The following ARSB variants were observed in gnomAD, a reference collection of about 807,000 sequenced individuals.
The protein encoded by ARSB is N-acetylgalactosamine-4-sulfatase.
A neutral mutation model predicts 50.9 loss-of-function variants in ARSB; 41 were observed. That is an observed-to-expected ratio of 0.81 (90% CI 0.63 to 1.04). The LOEUF is 1.04. ARSB is among the 50% of genes least tolerant of loss of function. The pLI, the probability that ARSB is intolerant of heterozygous loss-of-function variation, is 0.00. For synonymous variants in ARSB, 269 were observed against 284.8 expected (o/e 0.94, Z 0.56); for missense variants, 672 against 693.3 (o/e 0.97, Z 0.35).
In ARSB at chr5:78,885,576, G is replaced by A; in HGVS notation, c.1142+8C>T. ...GTCCTGGGAGGAAAAAGGGCAGGGT[G>A]TAGGTACCTGATGGTTTTCCACACG... On this transcript the variant is annotated splice_region_variant and intron_variant, in intron 5 of 7. Coordinates refer to ENST00000264914, the MANE Select transcript of ARSB (RefSeq NM_000046.5). 3 of 1,613,000 alleles carry A rather than the reference G, an allele frequency of 1.9e-6. No homozygotes were observed. The highest frequency in any genetic ancestry group is 2.5e-6 in the Non-Finnish European group (3 of 1,179,996).
intron 6 of ARSB, among the ~76,000 whole-genome samples, chr5:78,833,714 G>C (rs1744796641): frequency 6.6e-6 from 1 of 152,206 alleles, no homozygotes; most frequent in South Asian, 2.1e-4. Flanking sequence ...GGGAAGTCAG[G>C]CCGAGCCAGG....
chr5:78,845,497 G>A (rs1745406072), intron 5 of ARSB, among the ~76,000 whole-genome samples: 1 of 152,110 alleles, frequency 6.6e-6, no homozygotes, highest in African/African-American at 2.4e-5. Context: ...TCTCACCAGT[G>A]GTGGATAAGA....
intron 3 of ARSB, 127 bp from the exon 4 acceptor site, chr5:78,955,629 T>C: frequency 1.3e-6 from 1 of 791,942 alleles, no homozygotes; most frequent in Non-Finnish European, 2.1e-6. Context: ...GCATTGAAAG[T>C]ATTTGTGAAT....
chr5:78,837,913 A>G (rs150426307), intron 6 of ARSB, among the ~76,000 whole-genome samples: 1 of 152,284 alleles, frequency 6.6e-6, no homozygotes, highest in Non-Finnish European at 1.5e-5. Flanking sequence ...CTCCAAAAGA[A>G]ATAGAAATTT....
chr5:78,780,540 G>A lies in ARSB; in HGVS notation c.1459C>T (p.Leu487=), dbSNP rs1292005124. Residue 487 remains leucine, a synonymous_variant, in exon 8 of 8, where the codon CTG becomes TTG. Coordinates refer to ENST00000264914, the MANE Select transcript of ARSB (RefSeq NM_000046.5). ...ACGATGTGAGGATATTCTCTGGACA[G>A]GTCATGTCTTTCTTCAGGGTCCCGA... ...IDRDPEERHD[L]SREYPHIVTK... 6.2e-7 allele frequency: 1 copy of A among 1,614,022 alleles called. No individual in the cohort carries two copies. The highest frequency in any genetic ancestry group is 2.2e-5 in the East Asian group (1 of 44,896).
At chr5:78,861,028 C>A (rs760823902) in intron 5 of ARSB, among the ~76,000 whole-genome samples, 1 of 152,124 alleles carries the variant, frequency 6.6e-6, no homozygotes, top group African/African-American at 2.4e-5. Flanking sequence ...TGGATAAATT[C>A]CTCGACACAC....
chr5:78,833,536 A>G (rs560565494), intron 6 of ARSB, among the ~76,000 whole-genome samples: 1 of 152,334 alleles, frequency 6.6e-6, no homozygotes, highest in South Asian at 2.1e-4. Context: ...ACTCTGACAC[A>G]GGTCATGAAG....
intron 6 of ARSB, among the ~76,000 whole-genome samples, chr5:78,822,600 T>A (rs550819351): frequency 1.8e-4 from 27 of 152,324 alleles, no homozygotes; most frequent in African/African-American, 6.0e-4. Flanking sequence ...CTGACCATTA[T>A]AACAATTTGG....
intron 5 of ARSB, among the ~76,000 whole-genome samples, chr5:78,881,759 T>C (rs1747756390): frequency 6.6e-6 from 1 of 152,238 alleles, no homozygotes; most frequent in Non-Finnish European, 1.5e-5. Context: ...AGTTTGGTAA[T>C]GTTTATCAAA....
intron 5 of ARSB, among the ~76,000 whole-genome samples, chr5:78,856,454 A>G (rs1746146281): frequency 6.6e-6 from 1 of 152,350 alleles, no homozygotes; most frequent in South Asian, 2.1e-4. Flanking sequence ...ATATCTTAAT[A>G]TATGCCATAT....
At chr5:78,883,836 TA>T (rs1747875927) in intron 5 of ARSB, 3 of 152,222 alleles carry the variant, frequency 2.0e-5, no homozygotes, top group Admixed American at 6.5e-5. Flanking sequence ...CTTGAATAGC[TA>T]TCAAACTTCC....
At chr5:78,943,186 G>C (rs1361186222) in intron 4 of ARSB, among the ~76,000 whole-genome samples, 2 of 152,156 alleles carry the variant, frequency 1.3e-5, no homozygotes, top group Non-Finnish European at 1.5e-5. Context: ...TTGCACGTGA[G>C]ATGCATCTCC....
intron 6 of ARSB, among the ~76,000 whole-genome samples, chr5:78,798,871 C>T (rs1490158040): frequency 6.6e-6 from 1 of 152,128 alleles, no homozygotes; most frequent in East Asian, 1.9e-4. Flanking sequence ...CCCTCCACAA[C>T]ATTGCTGTCC....
At chr5:78,922,413 A>G (rs898783043) in intron 4 of ARSB, among the ~76,000 whole-genome samples, 1 of 151,486 alleles carries the variant, frequency 6.6e-6, no homozygotes, top group Admixed American at 6.6e-5. Context: ...TCCAGGCCCT[A>G]CCTCCTGGAG....
chr5:78,941,659 T>G (rs889510148), intron 4 of ARSB, among the ~76,000 whole-genome samples: 1 of 152,202 alleles, frequency 6.6e-6, no homozygotes, highest in Non-Finnish European at 1.5e-5. Flanking sequence ...ATAAGCTTTT[T>G]GATGTGCTGC....
At chr5:78,794,165 T>C (rs1307901579) in intron 6 of ARSB, among the ~76,000 whole-genome samples, 1 of 152,172 alleles carries the variant, frequency 6.6e-6, no homozygotes, top group Non-Finnish European at 1.5e-5. Context: ...AGGCTTACTA[T>C]AAGCTGGGTA....
At chr5:78,907,916 T>C (rs757915822) in intron 4 of ARSB, among the ~76,000 whole-genome samples, 1 of 152,074 alleles carries the variant, frequency 6.6e-6, no homozygotes. Flanking sequence ...TTTGAGCCCA[T>C]CAGTTACCAT....
In ARSB at chr5:78,906,136, G is replaced by C. The variant is rs1749055194; in HGVS notation, c.899-20309C>G. 2.0e-5 allele frequency among the ~76,000 whole-genome samples: 3 copies of C among 150,924 alleles called. No homozygotes were observed. The South Asian group carries it at 6.3e-4, about 32-fold the overall frequency. Reference sequence around the variant, plus strand: ...TGGCTCACACCAGCCAGGCAACATAGTGTGATCCAATCGCTAACCAAACAT... The same window carrying C: ...TGGCTCACACCAGCCAGGCAACATACTGTGATCCAATCGCTAACCAAACAT... On this transcript the variant is annotated intron_variant, in intron 4 of 7. Coordinates refer to ENST00000264914, the MANE Select transcript of ARSB (RefSeq NM_000046.5).
chr5:78,891,397 G>T (rs1273927639), intron 4 of ARSB, among the ~76,000 whole-genome samples: 1 of 152,158 alleles, frequency 6.6e-6, no homozygotes, highest in Non-Finnish European at 1.5e-5. Flanking sequence ...AGTCTAAGAG[G>T]GTTGATTGGG....
Sources: gnomAD v4.1 joint callset for allele counts (sites outside exome capture counted in the v4.1 genomes callset) on GRCh38, gnomAD v4.1.1 for gene constraint, MANE v1.5 for transcripts, NCBI Gene and HGNC (gene_info 2026-07-23, HGNC 2026-07-21) for gene names.